Variants in TUNAR observed in about 807,000 individuals in gnomAD.
TUNAR encodes the protein protein TUNAR.
intron 2 of TUNAR, among the ~76,000 whole-genome samples, chr14:95,891,981 C>CT (rs1310435350): frequency 1.7e-4 from 26 of 152,254 alleles, no homozygotes; most frequent in African/African-American, 5.8e-4. Context: ...TCCAAATCCT[C>CT]TATTTTCCTC....
At chr14:95,887,430 G>A (rs950900921) in intron 2 of TUNAR, among the ~76,000 whole-genome samples, 5 of 152,168 alleles carry the variant, frequency 3.3e-5, no homozygotes, top group African/African-American at 1.2e-4. Flanking sequence ...TATCAAGTAG[G>A]TTCTCCTAAA....
chr14:95,925,351 G>T (rs535506901), exon 3 of TUNAR: 1 of 152,106 alleles, frequency 6.6e-6, no homozygotes, highest in Non-Finnish European at 1.5e-5. Flanking sequence ...GCATACCACC[G>T]CACACCCTTC....
intron 2 of TUNAR, among the ~76,000 whole-genome samples, chr14:95,921,056 C>T (rs1889689939): frequency 6.6e-6 from 1 of 152,134 alleles, no homozygotes; most frequent in Admixed American, 6.5e-5. Context: ...AGGAAAAAGC[C>T]ATTGTCCCAG....
chr14:95,910,600 C>T (rs1889497879), intron 2 of TUNAR, among the ~76,000 whole-genome samples: 1 of 152,250 alleles, frequency 6.6e-6, no homozygotes, highest in Non-Finnish European at 1.5e-5. Context: ...GTTGATCAGA[C>T]TAAATGCTTT....
chr14:95,922,686 C>A, intron 2 of TUNAR, 95 bp from the exon 2 acceptor site: 1 of 396,986 alleles, frequency 2.5e-6, no homozygotes, highest in Non-Finnish European at 4.4e-6. Context: ...CATGTTCTGA[C>A]CTGCAAGCAG....
At chr14:95,921,794 T>C (rs950082373) in intron 2 of TUNAR, among the ~76,000 whole-genome samples, 13 of 152,350 alleles carry the variant, frequency 8.5e-5, no homozygotes, top group Middle Eastern at 3.4e-3. Context: ...ATAGATGACT[T>C]GGTTTTGCCT....
chr14:95,908,074 C>G (rs1169545153), intron 2 of TUNAR, among the ~76,000 whole-genome samples: 2 of 152,212 alleles, frequency 1.3e-5, no homozygotes, highest in Non-Finnish European at 2.9e-5. Flanking sequence ...TTCAGGCCCT[C>G]CCTGGCCTTA....
intron 2 of TUNAR, among the ~76,000 whole-genome samples, chr14:95,915,200 CT>C (rs1889582072): frequency 6.6e-6 from 1 of 152,226 alleles, no homozygotes; most frequent in African/African-American, 2.4e-5. Flanking sequence ...CAAGTAAAAG[CT>C]CTGGTTGCAT....
chr14:95,906,605 A>C (rs774433338), intron 2 of TUNAR, among the ~76,000 whole-genome samples: 1 of 152,234 alleles, frequency 6.6e-6, no homozygotes, highest in African/African-American at 2.4e-5. Flanking sequence ...ATGCTATCCA[A>C]TCAAAATACT....
At chr14:95,921,418 C>G (rs975125353) in intron 2 of TUNAR, among the ~76,000 whole-genome samples, 1 of 152,242 alleles carries the variant, frequency 6.6e-6, no homozygotes, top group East Asian at 1.9e-4. Flanking sequence ...CCACCACACA[C>G]ACTGATCCTA....
At chr14:95,881,573 A>G (rs574262031) in intron 2 of TUNAR, among the ~76,000 whole-genome samples, 2 of 152,332 alleles carry the variant, frequency 1.3e-5, no homozygotes, top group South Asian at 2.1e-4. Flanking sequence ...CACATGTAAG[A>G]CCTTCACGGT....
intron 2 of TUNAR, among the ~76,000 whole-genome samples, chr14:95,905,978 C>T (rs1889422207): frequency 2.6e-5 from 4 of 152,154 alleles, no homozygotes. Flanking sequence ...CTCAAATTAT[C>T]CCAGCTTTGG....
At chr14:95,882,643 G>A (rs1299346102) in intron 2 of TUNAR, among the ~76,000 whole-genome samples, 1 of 152,132 alleles carries the variant, frequency 6.6e-6, no homozygotes, top group Non-Finnish European at 1.5e-5. Flanking sequence ...TCTTGGTGAG[G>A]GTCAGTGTAT....
chr14:95,886,067 G>A (rs1189562243), intron 2 of TUNAR, among the ~76,000 whole-genome samples: 1 of 152,214 alleles, frequency 6.6e-6, no homozygotes, highest in African/African-American at 2.4e-5. Context: ...AGGAAATGGA[G>A]CGGGCAGTGT....
intron 2 of TUNAR, among the ~76,000 whole-genome samples, chr14:95,922,365 G>A (rs894733524): frequency 6.6e-6 from 1 of 152,158 alleles, no homozygotes; most frequent in Non-Finnish European, 1.5e-5. Context: ...CACACTTTGT[G>A]GATACTCAGG....
At chr14:95,885,064 G>A (rs906224122) in intron 2 of TUNAR, among the ~76,000 whole-genome samples, 6 of 152,186 alleles carry the variant, frequency 3.9e-5, no homozygotes, top group African/African-American at 1.4e-4. Context: ...AGATCTGTGG[G>A]GTCTCTCAGA....
At chr14:95,905,026 T>C (rs546585596) in intron 2 of TUNAR, among the ~76,000 whole-genome samples, 23 of 152,310 alleles carry the variant, frequency 1.5e-4, no homozygotes, top group African/African-American at 5.3e-4. Context: ...TCTAGAGGCA[T>C]TGATACTAGA....
chr14:95,877,233 G>GC (rs1888902808), intron 2 of TUNAR, 56 bp downstream of exon 1: 2 of 152,230 alleles, frequency 1.3e-5, no homozygotes, highest in African/African-American at 4.8e-5. Context: ...CCCGGAGGCC[G>GC]CCTCAGGGCC....
At chr14:95,913,740 C>CTT (rs1260591217) in intron 2 of TUNAR, among the ~76,000 whole-genome samples, 2 of 147,898 alleles carry the variant, frequency 1.4e-5, no homozygotes, top group African/African-American at 5.0e-5. Flanking sequence ...ATGGACTGGA[C>CTT]TTTTTTTTTT....
Sources: gnomAD v4.1 joint callset for allele counts (sites outside exome capture counted in the v4.1 genomes callset) on GRCh38, gnomAD v4.1.1 for gene constraint, MANE v1.5 for transcripts, NCBI Gene and HGNC (gene_info 2026-07-23, HGNC 2026-07-21) for gene names.